Variants in VDAC1 observed in about 807,000 individuals in gnomAD.
VDAC1 encodes non-selective voltage-gated ion channel VDAC1.
Under a neutral mutation model 34.7 loss-of-function variants are expected in VDAC1, and 10 were observed. The observed-to-expected ratio is 0.29, with a 90% CI of 0.18 to 0.49. VDAC1 has a LOEUF of 0.49. VDAC1 is among the 20% of genes least tolerant of loss of function. The pLI is 0.99. For synonymous variants in VDAC1, 130 were observed against 136.0 expected (o/e 0.96, Z 0.30); for missense variants, 230 against 347.9 (o/e 0.66, Z 2.69).
At chr5:134,088,374 T>C in the VDAC1 span, among the ~76,000 whole-genome samples, 1 of 151,690 alleles carries the variant, frequency 6.6e-6, no homozygotes, top group Non-Finnish European at 1.5e-5. Flanking sequence ...TCTCTGGGGG[T>C]CAGGAAGCCC....
chr5:133,975,871 C>A lies in VDAC1; in HGVS notation c.702G>T (p.Ser234=). 1 of 1,611,762 alleles carries A rather than the reference C, an allele frequency of 6.2e-7. No homozygotes were observed. Among genetic ancestry groups the A allele is most frequent in the East Asian group, 2.2e-5 (1 of 44,874 alleles). ...KYQIDPDACF[S]AKVNNSSLIG... ...GATGCGTGATTCCACAGATACCCAC[C>A]GAGAAGCAGGCGTCAGGGTCAATCT... The change falls in exon 7 of 9, where the codon TCG becomes TCT. Residue 234 remains serine (S), a splice_region_variant and synonymous_variant. Transcript: ENST00000265333.
the VDAC1 span, among the ~76,000 whole-genome samples, chr5:134,091,126 G>C: frequency 0.11 from 17,025 of 152,228 alleles, 1,344 homozygotes; most frequent in African/African-American, 0.2. Context: ...TAAAATCAGT[G>C]CTCAAGCACA....
In VDAC1 at chr5:133,986,858, CAG is replaced by C. The variant is rs577391692; in HGVS notation, c.323+3995_323+3996del. 3.9e-5 allele frequency among the ~76,000 whole-genome samples: 6 copies of C among 152,294 alleles called. No homozygotes were observed. The South Asian group carries it at 1.2e-3, about 32-fold the overall frequency. Reference sequence around the variant, plus strand: ...CGACAGAGGTTTGTCAAAAAGCACACAGAGTGTATTCTCCCAAAGCCCATATC... The same window carrying C: ...CGACAGAGGTTTGTCAAAAAGCACACAGTGTATTCTCCCAAAGCCCATATC... On this transcript the variant is annotated intron_variant, in intron 5 of 8. Transcript: ENST00000265333.
the VDAC1 span, among the ~76,000 whole-genome samples, chr5:134,053,630 C>T: frequency 6.6e-6 from 1 of 152,332 alleles, no homozygotes; most frequent in Admixed American, 6.5e-5. Context: ...TCCCCCTCAG[C>T]CCCATTCCGG....
the VDAC1 span, among the ~76,000 whole-genome samples, chr5:134,012,451 G>T: frequency 1.3e-5 from 2 of 152,182 alleles, no homozygotes; most frequent in Non-Finnish European, 2.9e-5. Flanking sequence ...TCCCAAAATT[G>T]ATATGTTGAA....
intron 5 of VDAC1, among the ~76,000 whole-genome samples, chr5:133,983,997 C>T (rs1394562300): frequency 6.6e-6 from 1 of 152,130 alleles, no homozygotes; most frequent in African/African-American, 2.4e-5. Context: ...TCTGCTTGTA[C>T]AGACTGCAGA....
chr5:134,011,238 G>A, the VDAC1 span, among the ~76,000 whole-genome samples: 86,472 of 151,786 alleles, frequency 0.57, 24,852 homozygotes, highest in Admixed American at 0.61. Flanking sequence ...AGCTCAGGCA[G>A]TCTGCCTGCC....
the VDAC1 span, among the ~76,000 whole-genome samples, chr5:134,056,434 A>AT: frequency 1.6e-3 from 194 of 118,646 alleles, 1 homozygote; most frequent in South Asian, 2.8e-3. Context: ...GCTGCACTGA[A>AT]TTTTTTTTTT....
intron 3 of VDAC1, 36 bp from the exon 4 acceptor site, chr5:133,991,190 T>C (rs1464473016): frequency 1.2e-6 from 2 of 1,603,458 alleles, no homozygotes; most frequent in Non-Finnish European, 8.5e-7. Context: ...GCCTGCACCA[T>C]AGCACTCACT....
At chr5:133,998,093 AAGCT>A (rs1753402147) in intron 1 of VDAC1, among the ~76,000 whole-genome samples, 1 of 151,974 alleles carries the variant, frequency 6.6e-6, no homozygotes, top group South Asian at 2.1e-4. Context: ...AAAAGAAAGA[AAGCT>A]AGCTAGCTAT....
At chr5:134,091,803 C>T in the VDAC1 span, among the ~76,000 whole-genome samples, 1 of 152,206 alleles carries the variant, frequency 6.6e-6, no homozygotes, top group Non-Finnish European at 1.5e-5. Context: ...GGAAACAGAG[C>T]TTCAGAGAGG....
chr5:134,033,767 C>T, the VDAC1 span, among the ~76,000 whole-genome samples: 2,610 of 151,316 alleles, frequency 0.017, 73 homozygotes, highest in African/African-American at 0.06. Context: ...CCAAGGCGGG[C>T]GGATCACGAG....
At chr5:134,076,535 G>A in the VDAC1 span, among the ~76,000 whole-genome samples, 419 of 152,226 alleles carry the variant, frequency 2.8e-3, 3 homozygotes, top group African/African-American at 9.8e-3. Flanking sequence ...CACTGCTCTC[G>A]CCCGAGCACC....
At chr5:134,055,205 G>T in the VDAC1 span, among the ~76,000 whole-genome samples, 1 of 152,196 alleles carries the variant, frequency 6.6e-6, no homozygotes, top group African/African-American at 2.4e-5. Flanking sequence ...AAGCCACAGG[G>T]GTGGGGTGTA....
intron 1 of VDAC1, among the ~76,000 whole-genome samples, chr5:133,997,645 T>C (rs1753371622): frequency 6.9e-6 from 1 of 145,062 alleles, no homozygotes; most frequent in African/African-American, 2.6e-5. Flanking sequence ...GAGGCAGAGG[T>C]TGCAGTGAGC....
chr5:134,055,747 G>GTGTTTT, the VDAC1 span, among the ~76,000 whole-genome samples: 1 of 57,422 alleles, frequency 1.7e-5, no homozygotes, highest in South Asian at 5.3e-4. Context: ...GTTTTTAATT[G>GTGTTTT]TCTTTTTTTC....
the VDAC1 span, among the ~76,000 whole-genome samples, chr5:134,101,283 G>A: frequency 1.3e-5 from 2 of 152,286 alleles, no homozygotes; most frequent in African/African-American, 4.8e-5. Flanking sequence ...AGAAGATGAT[G>A]CTGTTAATTA....
chr5:134,069,696 G>C, the VDAC1 span, among the ~76,000 whole-genome samples: 1 of 152,098 alleles, frequency 6.6e-6, no homozygotes, highest in Non-Finnish European at 1.5e-5. Flanking sequence ...GGTTAGGGCT[G>C]GTTTGCATGC....
At chr5:133,992,861 G>T in intron 2 of VDAC1, 85 bp downstream of exon 2, 2 of 1,325,550 alleles carry the variant, frequency 1.5e-6, no homozygotes, top group Non-Finnish European at 2.1e-6. Context: ...GACCTACCCA[G>T]GTCTCCTAAA....
Sources: allele counts gnomAD v4.1 joint callset (sites outside exome capture counted in the v4.1 genomes callset), GRCh38; gene constraint gnomAD v4.1.1; transcripts MANE v1.5; gene names NCBI Gene and HGNC (gene_info 2026-07-23, HGNC 2026-07-21).